SLC1A2: variants seen among roughly 807,000 people sequenced by gnomAD.
SLC1A2 encodes the protein excitatory amino acid transporter 2.
A neutral mutation model predicts 48.8 loss-of-function variants in SLC1A2; 15 were observed. That is an observed-to-expected ratio of 0.31 (90% confidence interval 0.21 to 0.47). The LOEUF is 0.47. Ranked by LOEUF, SLC1A2 falls within the 20% of genes least tolerant of loss-of-function variation. The pLI is 0.99. For missense variants in SLC1A2, 502 were observed against 730.5 expected, an observed-to-expected ratio of 0.69 and a Z score of 3.61; for synonymous variants, 279 against 272.6, an observed-to-expected ratio of 1.02 and a Z score of -0.23.
At chr11:35,267,489 A>T (rs574586471) in intron 9 of SLC1A2, among the ~76,000 whole-genome samples, 1 of 152,326 alleles carries the variant, frequency 6.6e-6, no homozygotes, top group South Asian at 2.1e-4. Flanking sequence ...TATAAATTGT[A>T]TCAAGTCAAT....
rs1451329134 is a variant in SLC1A2 at position 35,255,153 on chromosome 11, A to G, written c.*5741T>C. On this transcript the variant is annotated 3_prime_UTR_variant, in exon 11 of 11. Transcript: ENST00000278379. ...GTCTTCTCTGACAACAAAGGAGTTC[A>G]CAACACAACAAATACCAACACTACT... The G allele has an allele frequency of 4.0e-6, 1 of 247,096 alleles. No homozygotes were observed. The highest frequency in any genetic ancestry group is 8.0e-6 in the Non-Finnish European group (1 of 125,034). 15.3% of individuals were successfully genotyped at this position (247,096 alleles called of 1,614,324 possible). A position where few individuals can be genotyped will look rare whatever the true frequency, so the allele number is the denominator to read the frequency against.
chr11:35,410,882 T>C (rs1855438518), intron 1 of SLC1A2, among the ~76,000 whole-genome samples: 1 of 152,182 alleles, frequency 6.6e-6, no homozygotes, highest in African/African-American at 2.4e-5. Context: ...GGATTTACGC[T>C]GAAAGCTCCT....
At chr11:35,279,322 T>A (rs1850545810) in intron 9 of SLC1A2, among the ~76,000 whole-genome samples, 1 of 152,272 alleles carries the variant, frequency 6.6e-6, no homozygotes, top group Non-Finnish European at 1.5e-5. Flanking sequence ...GGTTAGACTT[T>A]CCCACCTTTG....
intron 1 of SLC1A2, among the ~76,000 whole-genome samples, chr11:35,409,840 T>C (rs1855407423): frequency 1.3e-5 from 2 of 151,766 alleles, no homozygotes; most frequent in African/African-American, 4.8e-5. Context: ...ACCCAGGAGG[T>C]GGAAGCTGCA....
At chr11:35,300,288 C>T (rs1851309147) in intron 6 of SLC1A2, among the ~76,000 whole-genome samples, 1 of 152,208 alleles carries the variant, frequency 6.6e-6, no homozygotes, top group South Asian at 2.1e-4. Flanking sequence ...TAGGTTGGTG[C>T]AAAAGTAACT....
intron 1 of SLC1A2, among the ~76,000 whole-genome samples, chr11:35,383,924 G>A (rs1854508693): frequency 6.6e-6 from 1 of 152,114 alleles, no homozygotes; most frequent in African/African-American, 2.4e-5. Flanking sequence ...CCCTTCCATG[G>A]GGTTCTTCAT....
chr11:35,281,704 T>C (rs74733257), intron 8 of SLC1A2: 20,899 of 152,036 alleles, frequency 0.14, 1,622 homozygotes, highest in African/African-American at 0.2. Flanking sequence ...CAGCACCATT[T>C]TGAAGTTTGT....
chr11:35,330,071 C>T (rs184731529), intron 1 of SLC1A2, among the ~76,000 whole-genome samples: 1 of 152,318 alleles, frequency 6.6e-6, no homozygotes, highest in East Asian at 1.9e-4. Flanking sequence ...TTGGCCTGAA[C>T]AAGGTGCACA....
chr11:35,298,291 T>G (rs147142269), intron 6 of SLC1A2: 1 of 152,342 alleles, frequency 6.6e-6, no homozygotes, highest in East Asian at 1.9e-4. Context: ...ACCGAAATAG[T>G]ACTGAGCATA....
intron 1 of SLC1A2, among the ~76,000 whole-genome samples, chr11:35,325,092 C>G (rs1342780476): frequency 6.6e-6 from 1 of 152,218 alleles, no homozygotes; most frequent in Non-Finnish European, 1.5e-5. Context: ...CACACAACAT[C>G]AACAAGCTGA....
Position 35,253,753 on chromosome 11 carries a change from C to T in SLC1A2, c.*7141G>A, listed in dbSNP as rs1243853223. ...TGGTAGCTCTAAATTGCTGAAGAAA[C>T]TTCTTGTGCTCTAATTAGTTATAAT... On this transcript the variant is annotated 3_prime_UTR_variant, in exon 11 of 11. Transcript: ENST00000278379. 1.3e-5 allele frequency: 2 copies of T among 152,546 alleles called. No homozygotes were observed. Among genetic ancestry groups the T allele is most frequent in the Non-Finnish European group, 2.9e-5 (2 of 68,014 alleles). 9.4% of individuals were successfully genotyped at this position (152,546 alleles called of 1,614,324 possible).
At chr11:35,332,213 C>T (rs936283791) in intron 1 of SLC1A2, among the ~76,000 whole-genome samples, 4 of 152,190 alleles carry the variant, frequency 2.6e-5, no homozygotes, top group Non-Finnish European at 5.9e-5. Context: ...TATGCACTTC[C>T]TGAAGTCATT....
intron 1 of SLC1A2, among the ~76,000 whole-genome samples, chr11:35,352,968 A>T (rs1029755621): frequency 6.6e-6 from 1 of 152,232 alleles, no homozygotes; most frequent in Non-Finnish European, 1.5e-5. Flanking sequence ...TATAAAAGCA[A>T]TGACAATAAT....
intron 2 of SLC1A2, chr11:35,316,895 C>T (rs1851900866): frequency 1.3e-5 from 2 of 155,174 alleles, no homozygotes; most frequent in East Asian, 1.9e-4. Context: ...ACACTGACCT[C>T]ATTAGCTAAT....
intron 1 of SLC1A2, chr11:35,322,550 G>A (rs765952976): frequency 3.7e-5 from 55 of 1,482,550 alleles, no homozygotes; most frequent in Non-Finnish European, 4.9e-5. Flanking sequence ...TTTGCAATGG[G>A]CTTCACCCAC....
At chr11:35,356,718 T>A (rs1853483076) in intron 1 of SLC1A2, among the ~76,000 whole-genome samples, 1 of 152,138 alleles carries the variant, frequency 6.6e-6, no homozygotes, top group South Asian at 2.1e-4. Flanking sequence ...AAATGTAAAA[T>A]CTCTGACAAT....
At chr11:35,382,360 T>C (rs944515151) in intron 1 of SLC1A2, among the ~76,000 whole-genome samples, 14 of 152,230 alleles carry the variant, frequency 9.2e-5, no homozygotes, top group Non-Finnish European at 2.9e-5. Context: ...CATCATTCCA[T>C]AGAGTGATTC....
chr11:35,419,991 C>T (rs996715204), upstream of SLC1A2: 3 of 466,494 alleles, frequency 6.4e-6, no homozygotes, highest in Non-Finnish European at 1.3e-5. This position sits in a 1 kb window ranked among gnomAD's most constrained non-coding sequence, Gnocchi z 5.4. Context: ...GGCTGAAACA[C>T]GCGGGTGGTG....
chr11:35,393,339 A>AT (rs1182118709), intron 1 of SLC1A2, among the ~76,000 whole-genome samples: 1 of 152,126 alleles, frequency 6.6e-6, no homozygotes, highest in Non-Finnish European at 1.5e-5. Context: ...ATGGCACCGC[A>AT]TTTTATTGCA....
Sources: gnomAD v4.1 joint callset for allele counts (sites outside exome capture counted in the v4.1 genomes callset) on GRCh38, gnomAD v4.1.1 for gene constraint, Gnocchi (gnomAD v3.1) non-coding constraint, MANE v1.5 for transcripts, NCBI Gene and HGNC (gene_info 2026-07-23, HGNC 2026-07-21) for gene names.